Variants in HIBCH observed in about 807,000 individuals in gnomAD.
HIBCH encodes 3-hydroxyisobutyryl-CoA hydrolase, mitochondrial.
Under a neutral mutation model 58.2 loss-of-function variants are expected in HIBCH, and 50 were observed. The observed-to-expected ratio is 0.86, with a 90% CI of 0.68 to 1.09. HIBCH has a LOEUF of 1.09. HIBCH is among the 50% of genes least tolerant of loss of function. The pLI, the probability that HIBCH is intolerant of heterozygous loss-of-function variation, is 0.00. For synonymous variants in HIBCH, 151 were observed against 146.9 expected, an observed-to-expected ratio of 1.03 and a Z score of -0.20; for missense variants, 450 against 449.7, an observed-to-expected ratio of 1.00 and a Z score of -0.01.
intron 7 of HIBCH, among the ~76,000 whole-genome samples, chr2:190,257,133 C>G (rs1245062196): frequency 6.6e-6 from 1 of 152,036 alleles, no homozygotes; most frequent in Non-Finnish European, 1.5e-5. Context: ...CAAAGCACAT[C>G]ATAATCAAAT....
chr2:190,191,095 A>C (rs1446066727), intron 1 of HIBCH, among the ~76,000 whole-genome samples: 1 of 152,164 alleles, frequency 6.6e-6, no homozygotes, highest in Non-Finnish European at 1.5e-5. Flanking sequence ...TTTGTTGTCA[A>C]CTTTTGGCAA....
intron 11 of HIBCH, chr2:190,213,518 A>G (rs73981011): frequency 0.052 from 9,231 of 177,860 alleles, 930 homozygotes; most frequent in African/African-American, 0.21. Flanking sequence ...CCCCTGCTTC[A>G]ATAGCCAATG....
intron 11 of HIBCH, among the ~76,000 whole-genome samples, chr2:190,234,759 A>C (rs547502301): frequency 6.6e-6 from 1 of 152,096 alleles, no homozygotes; most frequent in African/African-American, 2.4e-5. Context: ...CTGAGGCAGG[A>C]GAATTGCTTC....
intron 11 of HIBCH, among the ~76,000 whole-genome samples, chr2:190,228,798 C>T (rs1202614368): frequency 1.3e-5 from 2 of 152,122 alleles, no homozygotes; most frequent in African/African-American, 4.8e-5. Context: ...GAGACAACTT[C>T]TTTTCTCCTT....
At chr2:190,198,893 A>C (rs1451953824) in intron 1 of HIBCH, among the ~76,000 whole-genome samples, 2 of 152,182 alleles carry the variant, frequency 1.3e-5, no homozygotes, top group East Asian at 1.9e-4. Context: ...AAGCATTGTC[A>C]TCTATTTATT....
chr2:190,222,475 A>G (rs981600268), intron 11 of HIBCH, among the ~76,000 whole-genome samples: 4 of 152,228 alleles, frequency 2.6e-5, no homozygotes, highest in South Asian at 4.1e-4. Context: ...TTAGAAGTGA[A>G]TATCTCAAAA....
intron 6 of HIBCH, among the ~76,000 whole-genome samples, chr2:190,277,621 T>C (rs1021371861): frequency 1.3e-5 from 2 of 152,198 alleles, no homozygotes; most frequent in African/African-American, 4.8e-5. Context: ...TTGAGTTCCT[T>C]CATAATAAAT....
At chr2:190,293,827 T>C (rs535517216) in intron 4 of HIBCH, among the ~76,000 whole-genome samples, 46 of 151,718 alleles carry the variant, frequency 3.0e-4, no homozygotes, top group African/African-American at 1.1e-3. Context: ...TGGACAATTA[T>C]AGTGATTATA....
At chr2:190,230,634 G>A (rs532712159) in intron 11 of HIBCH, among the ~76,000 whole-genome samples, 2 of 152,370 alleles carry the variant, frequency 1.3e-5, no homozygotes, top group East Asian at 3.9e-4. Flanking sequence ...GGTGGAGGCT[G>A]CAGTGAGCCA....
At chr2:190,232,916 C>A (rs900175502) in intron 11 of HIBCH, among the ~76,000 whole-genome samples, 3 of 152,006 alleles carry the variant, frequency 2.0e-5, no homozygotes, top group South Asian at 2.1e-4. Context: ...CGAGATCATG[C>A]CACTGCACTC....
intron 13 of HIBCH, among the ~76,000 whole-genome samples, chr2:190,208,062 G>T (rs1276874695): frequency 6.6e-6 from 1 of 152,164 alleles, no homozygotes; most frequent in Non-Finnish European, 1.5e-5. Context: ...AGGAATTGTT[G>T]CAAGTATGCT....
chr2:190,300,638 C>G (rs1228967244), intron 2 of HIBCH, among the ~76,000 whole-genome samples: 1 of 152,022 alleles, frequency 6.6e-6, no homozygotes, highest in African/African-American at 2.4e-5. Flanking sequence ...TTTTGCTGTC[C>G]AGAAGCTCTT....
chr2:190,309,875 C>T (rs1261857196), intron 2 of HIBCH, among the ~76,000 whole-genome samples: 1 of 151,996 alleles, frequency 6.6e-6, no homozygotes, highest in Non-Finnish European at 1.5e-5. Context: ...TGACTGTCAA[C>T]GTGATTGGAT....
chr2:190,228,731 T>A (rs1219862787), intron 11 of HIBCH, among the ~76,000 whole-genome samples: 2 of 152,164 alleles, frequency 1.3e-5, no homozygotes. Context: ...ATCTGACCCT[T>A]TAAAGATTTG....
chr2:190,292,070 C>G (rs904071091), intron 4 of HIBCH, among the ~76,000 whole-genome samples: 1 of 152,186 alleles, frequency 6.6e-6, no homozygotes, highest in African/African-American at 2.4e-5. Context: ...GCAACCTCCA[C>G]CTCCCAGGTT....
intron 6 of HIBCH, among the ~76,000 whole-genome samples, chr2:190,274,800 C>T (rs948598554): frequency 4.6e-5 from 7 of 152,272 alleles, no homozygotes; most frequent in African/African-American, 1.7e-4. Flanking sequence ...ATAAGAGAAA[C>T]GATTGTTTTG....
chr2:190,238,536 C>A (rs747319459), intron 11 of HIBCH, among the ~76,000 whole-genome samples: 1 of 152,156 alleles, frequency 6.6e-6, no homozygotes, highest in Non-Finnish European at 1.5e-5. Flanking sequence ...GTGATCTTGG[C>A]TCACTACAAC....
intron 11 of HIBCH, among the ~76,000 whole-genome samples, chr2:190,235,158 G>A (rs1233417683): frequency 6.6e-6 from 1 of 152,228 alleles, no homozygotes; most frequent in Non-Finnish European, 1.5e-5. Flanking sequence ...CAGTGCCTGA[G>A]CTTCTACAGC....
At position 190,214,975 on chromosome 2, in the gene HIBCH, C is replaced by G. The variant is rs1481846409; in HGVS notation, c.892-1900G>C. 6.6e-6 allele frequency: 1 copy of G among 152,206 alleles called. No homozygotes were observed. Among genetic ancestry groups the G allele is most frequent in the African/African-American group, 2.4e-5 (1 of 41,444 alleles). 9.4% of individuals were successfully genotyped at this position (152,206 alleles called of 1,614,324 possible). On this transcript the variant is annotated intron_variant, in intron 11 of 13. Coordinates refer to ENST00000359678, the MANE Select transcript of HIBCH (RefSeq NM_014362.4). The surrounding 1 kb of genome is among the most constrained non-coding windows in gnomAD (Gnocchi z 5.5). The stretch of plus-strand genomic sequence containing the variant: ...GAACAGTAGACGTCTAATAAGTACT[C>G]TCTTAGAGAAGTCCCTATGGGACAG...
Sources: gnomAD v4.1 joint callset for allele counts (sites outside exome capture counted in the v4.1 genomes callset) on GRCh38, gnomAD v4.1.1 for gene constraint, Gnocchi (gnomAD v3.1) non-coding constraint, MANE v1.5 for transcripts, NCBI Gene and HGNC (gene_info 2026-07-23, HGNC 2026-07-21) for gene names.